The following PGLYRP3 variants were observed in gnomAD, a reference collection of about 807,000 sequenced individuals.
PGLYRP3 encodes the protein peptidoglycan recognition protein 3, also known as peptidoglycan recognition protein I alpha.
Under a neutral mutation model 36.0 loss-of-function variants are expected in PGLYRP3, and 39 were observed. That is an observed-to-expected ratio of 1.08 (90% CI 0.84 to 1.41). The LOEUF (loss-of-function observed/expected upper bound fraction) is 1.41, where lower values mean the gene tolerates loss of function less well. Ranked by LOEUF, PGLYRP3 falls within the 40% of genes most tolerant of loss-of-function variation. The pLI is 0.00. For missense variants in PGLYRP3, 407 were observed against 427.9 expected, an observed-to-expected ratio of 0.95 and a Z score of 0.43; for synonymous variants, 204 against 172.8, an observed-to-expected ratio of 1.18 and a Z score of -1.42.
intron 7 of PGLYRP3, 123 bp downstream of exon 7, chr1:153,298,990 A>G: frequency 1.3e-6 from 1 of 772,374 alleles, no homozygotes; most frequent in Non-Finnish European, 2.3e-6. Flanking sequence ...AGTCCACTTT[A>G]AAGCTAAAAT....
In PGLYRP3 at chr1:153,305,238, A is replaced by G. The variant is rs529292918; in HGVS notation, c.258-173T>C. ...TTAGACCTCCAAGAGACATGGGAAT[A>G]TATTTTAATTTTTGTTGGGATTTAG... On this transcript the variant is annotated intron_variant, in intron 3 of 7. Transcript: ENST00000683862. Among the ~76,000 whole-genome samples, 7 of 152,346 alleles carry G rather than the reference A, an allele frequency of 4.6e-5. No homozygotes were observed. Among genetic ancestry groups the G allele is most frequent in the South Asian group, 2.1e-4 (1 of 4,822 alleles).
At chr1:153,307,811 G>T (rs1405318045) in intron 2 of PGLYRP3, among the ~76,000 whole-genome samples, 3 of 152,098 alleles carry the variant, frequency 2.0e-5, no homozygotes, top group Non-Finnish European at 4.4e-5. Flanking sequence ...CTTTCTTCCG[G>T]GCGAACACTC....
intron 6 of PGLYRP3, among the ~76,000 whole-genome samples, chr1:153,300,341 A>G (rs970425027): frequency 2.0e-5 from 3 of 151,990 alleles, no homozygotes; most frequent in Admixed American, 6.6e-5. Context: ...ACCCCCCACA[A>G]AGCCTTGATT....
chr1:153,308,785 C>A (rs1053301135), intron 2 of PGLYRP3, among the ~76,000 whole-genome samples: 1 of 152,208 alleles, frequency 6.6e-6, no homozygotes, highest in Non-Finnish European at 1.5e-5. Flanking sequence ...AAGTCTCTGG[C>A]CTTGGCCTGC....
intron 3 of PGLYRP3, 89 bp from the exon 4 acceptor site, chr1:153,305,154 C>A: frequency 9.6e-7 from 1 of 1,040,202 alleles, no homozygotes. Context: ...GTTCTGGAGG[C>A]TCATAAGTAA....
chr1:153,305,683 A>C (rs527414931), intron 3 of PGLYRP3, among the ~76,000 whole-genome samples: 33 of 152,338 alleles, frequency 2.2e-4, no homozygotes, highest in Non-Finnish European at 1.6e-4. Flanking sequence ...ATCTTTTAAT[A>C]GAACATGAGT....
At chr1:153,302,338 T>C in intron 6 of PGLYRP3, 71 bp downstream of exon 6, 1 of 1,530,534 alleles carries the variant, frequency 6.5e-7, no homozygotes, top group Non-Finnish European at 9.0e-7. Flanking sequence ...GAAACATCAG[T>C]TCCCTCCCAC....
chr1:153,310,635 A>G lies in PGLYRP3; in HGVS notation c.31T>C (p.Phe11Leu). The G allele has an allele frequency of 6.2e-7, 1 of 1,614,180 alleles. No homozygotes were observed. Residue 11 changes from phenylalanine to leucine, a missense_variant, in exon 2 of 8, where the codon TTC becomes CTC. Transcript: ENST00000683862. The part of the protein sequence containing the change: MGTLPWLLAF[F>L]ILGLQAWDTP... ...CCCCAAGCCTGGAGACCCAGAATGA[A>G]GAAGGCAAGAAGCCATGGCAGCGTC...
chr1:153,304,079 A>T (rs1410635308), intron 4 of PGLYRP3, 70 bp from the exon 5 acceptor site: 1 of 1,447,328 alleles, frequency 6.9e-7, no homozygotes, highest in African/African-American at 1.4e-5. Flanking sequence ...ACCTGCAGAA[A>T]GGATGATATG....
intron 6 of PGLYRP3, among the ~76,000 whole-genome samples, chr1:153,300,265 C>T (rs1659552511): frequency 6.6e-6 from 1 of 152,104 alleles, no homozygotes; most frequent in African/African-American, 2.4e-5. Flanking sequence ...CTGAATAAAC[C>T]CCACTGCTTA....
intron 2 of PGLYRP3, among the ~76,000 whole-genome samples, chr1:153,307,998 C>G (rs1408485605): frequency 8.2e-6 from 1 of 121,738 alleles, no homozygotes; most frequent in Non-Finnish European, 1.9e-5. Context: ...CCTTCTCTCT[C>G]TCTTTTTTTT....
intron 6 of PGLYRP3, among the ~76,000 whole-genome samples, chr1:153,301,361 T>A (rs1659593448): frequency 6.6e-6 from 1 of 152,224 alleles, no homozygotes; most frequent in African/African-American, 2.4e-5. Flanking sequence ...TTTGTCCTGA[T>A]TACAGTCCAT....
Position 153,297,440 on chromosome 1 carries a change from C to A in PGLYRP3, c.*516G>T, listed in dbSNP as rs1471878886. ...ACAGGGAAGGCTCACCAGGCAGAGGCGGGGAGAGGGGGAGAGAGAGAGAGA... is the reference window on the plus strand; with the variant it reads ...ACAGGGAAGGCTCACCAGGCAGAGGAGGGGAGAGGGGGAGAGAGAGAGAGA... On this transcript the variant is annotated 3_prime_UTR_variant, in exon 8 of 8. Coordinates refer to ENST00000683862, the MANE Select transcript of PGLYRP3 (RefSeq NM_052891.3). Among the ~76,000 whole-genome samples, 1 of 82,216 alleles carries A rather than the reference C, an allele frequency of 1.2e-5. No homozygotes were observed. The highest frequency in any genetic ancestry group is 5.5e-4 in the South Asian group (1 of 1,820). 53.9% of individuals were successfully genotyped at this position (82,216 alleles called of 152,430 possible).
rs753119157 is a variant in PGLYRP3, at chr1:153,304,982, ATGT to A, written c.338_340del (p.Asn113del). On this transcript the variant is annotated inframe_deletion, in exon 4 of 8. Coordinates refer to ENST00000683862, the MANE Select transcript of PGLYRP3 (RefSeq NM_052891.3). ...GCCAAAGAAGGCGATGCCCAGGGAA[ATGT>A]TGTTGTAGCCCTGGGTGTGCAAGCC... The A allele has an allele frequency of 7.4e-6, 12 of 1,613,934 alleles. No homozygotes were observed. Among genetic ancestry groups the A allele is most frequent in the Middle Eastern group, 1.6e-4 (1 of 6,062 alleles).
rs569852678 is a variant in PGLYRP3 at position 153,308,881 on chromosome 1, C to G, written c.56-1614G>C. On this transcript the variant is annotated intron_variant, in intron 2 of 7. Transcript: ENST00000683862. Reference sequence around the variant, plus strand: ...CATTCCAGGAGCACTGCAGTCTCACCTGCTGCCTTATCTGGGCAGTGCCAC... The same window carrying G: ...CATTCCAGGAGCACTGCAGTCTCACGTGCTGCCTTATCTGGGCAGTGCCAC... 9.2e-5 allele frequency among the ~76,000 whole-genome samples: 14 copies of G among 152,302 alleles called. No individual in the cohort carries two copies. The East Asian group carries it at 2.5e-3, about 27-fold the overall frequency.
rs201878205 is a variant in PGLYRP3, at chr1:153,310,565, C to T, written c.55+46G>A. On this transcript the variant is annotated intron_variant, in intron 2 of 7. Coordinates refer to ENST00000683862, the MANE Select transcript of PGLYRP3 (RefSeq NM_052891.3). Reference sequence around the variant, plus strand: ...TATTATTAAACTTGAGAACGGTCTTCTCTTGCTCATCAAAAGCACTTCTGA... The same window carrying T: ...TATTATTAAACTTGAGAACGGTCTTTTCTTGCTCATCAAAAGCACTTCTGA... 1.8e-5 allele frequency: 29 copies of T among 1,587,204 alleles called. No homozygotes were observed. The Admixed American group carries it at 3.3e-4, about 18-fold the overall frequency.
Position 153,298,092 on chromosome 1 carries a change from A to G in PGLYRP3, c.890T>C (p.Leu297Pro), listed in dbSNP as rs778767559. ...NAAALEAAQDLIQCAVVEGYL... is the reference protein window; with the variant it reads ...NAAALEAAQDPIQCAVVEGYL... ...CCCCTCAACCACGGCACACTGGATCAGGTCCTGGGCCGCCTCCAGCGCTGC... is the reference window on the plus strand; with the variant it reads ...CCCCTCAACCACGGCACACTGGATCGGGTCCTGGGCCGCCTCCAGCGCTGC... The change falls in exon 8 of 8, where the codon CTG becomes CCG. Residue 297 changes from leucine (L) to proline (P), a missense_variant. Physicochemically the swap from Leu to Pro is moderately conservative, Grantham distance 98 (BLOSUM62 -3). Coordinates refer to ENST00000683862, the MANE Select transcript of PGLYRP3 (RefSeq NM_052891.3). The G allele has an allele frequency of 6.2e-7, 1 of 1,613,966 alleles. No individual in the cohort carries two copies. Among genetic ancestry groups the G allele is most frequent in the Non-Finnish European group, 8.5e-7 (1 of 1,180,012 alleles).
At chr1:153,301,805 C>A (rs1009955803) in intron 6 of PGLYRP3, among the ~76,000 whole-genome samples, 1 of 152,256 alleles carries the variant, frequency 6.6e-6, no homozygotes, top group Non-Finnish European at 1.5e-5. Context: ...ATCTTCCAAG[C>A]AGCTTCTTCT....
Position 153,302,389 on chromosome 1 carries a change from T to C in PGLYRP3, c.728+20A>G, listed in dbSNP as rs780312195. The C allele has an allele frequency of 1.6e-5, 25 of 1,611,924 alleles. No homozygotes were observed. The highest frequency in any genetic ancestry group is 1.6e-4 in the Middle Eastern group (1 of 6,080). On this transcript the variant is annotated intron_variant, in intron 6 of 7. Transcript: ENST00000683862. ...AATCCTGAAGAAAAAGAGGGTTCTT[T>C]TGGCATTGATCCCACTTACTGATAT... is the stretch of plus-strand genomic sequence containing the variant.
Sources: allele counts gnomAD v4.1 joint callset (sites outside exome capture counted in the v4.1 genomes callset), GRCh38; gene constraint gnomAD v4.1.1; transcripts MANE v1.5; gene names NCBI Gene and HGNC (gene_info 2026-07-23, HGNC 2026-07-21).